Variants in THEMIS observed in about 807,000 individuals in gnomAD.
THEMIS encodes protein THEMIS.
Under a neutral mutation model 52.6 loss-of-function variants are expected in THEMIS, and 37 were observed. That is an observed-to-expected ratio of 0.70 (90% confidence interval 0.54 to 0.93). The LOEUF (loss-of-function observed/expected upper bound fraction) is 0.93, where lower values mean the gene tolerates loss of function less well. Ranked by LOEUF, THEMIS falls within the 40% of genes least tolerant of loss-of-function variation. The pLI is 0.00. For synonymous variants in THEMIS, 292 were observed against 272.7 expected, an observed-to-expected ratio of 1.07 and a Z score of -0.70; for missense variants, 808 against 763.1, an observed-to-expected ratio of 1.06 and a Z score of -0.69.
At chr6:127,785,219 CT>C (rs1160636767) in intron 4 of THEMIS, among the ~76,000 whole-genome samples, 9 of 35,930 alleles carry the variant, frequency 2.5e-4, no homozygotes, top group South Asian at 4.6e-4. Context: ...TATTATCTAT[CT>C]TATCTATCTA....
intron 1 of THEMIS, among the ~76,000 whole-genome samples, chr6:127,880,839 G>A (rs193087482): frequency 6.6e-6 from 1 of 152,114 alleles, no homozygotes; most frequent in Admixed American, 6.5e-5. Flanking sequence ...CAACAAAAAA[G>A]TATTTTTAAG....
At chr6:127,789,193 A>C (rs1188051643) in intron 4 of THEMIS, among the ~76,000 whole-genome samples, 1 of 152,194 alleles carries the variant, frequency 6.6e-6, no homozygotes, top group Non-Finnish European at 1.5e-5. Flanking sequence ...TAAAGGGGAT[A>C]TCTCCACTCA....
chr6:127,709,829 C>G lies in THEMIS; in HGVS notation c.*156G>C. On this transcript the variant is annotated 3_prime_UTR_variant, in exon 6 of 6. Transcript: ENST00000368248. ...TATCATAGGTTTCTGTAAGTTTTAT[C>G]TGTTAAAAGTTTTAAGGTTGTTCTT... is the stretch of plus-strand genomic sequence containing the variant. The G allele has an allele frequency of 4.8e-6, 3 of 626,214 alleles. No individual in the cohort carries two copies. Among genetic ancestry groups the G allele is most frequent in the Non-Finnish European group, 8.2e-6 (3 of 365,542 alleles). The allele number at this position is 626,214 out of a possible 1,614,324, so 38.8% of individuals were successfully genotyped here. A position where few individuals can be genotyped will look rare whatever the true frequency, so the allele number is the denominator to read the frequency against.
chr6:127,803,669 G>C (rs376336613), intron 4 of THEMIS, among the ~76,000 whole-genome samples: 41 of 152,252 alleles, frequency 2.7e-4, no homozygotes, highest in African/African-American at 9.4e-4. Flanking sequence ...TTTTGCTGAT[G>C]CCAAAGTTCA....
the THEMIS span, among the ~76,000 whole-genome samples, chr6:127,698,251 T>G: frequency 1.3e-5 from 2 of 152,128 alleles, no homozygotes; most frequent in African/African-American, 4.8e-5. Flanking sequence ...TTTTTAACAA[T>G]GTTTAGGTTT....
intron 1 of THEMIS, among the ~76,000 whole-genome samples, chr6:127,914,490 G>A (rs958178935): frequency 6.6e-6 from 1 of 152,122 alleles, no homozygotes; most frequent in Admixed American, 6.5e-5. Flanking sequence ...AAACCTAGGT[G>A]TGTACTTTTA....
chr6:127,832,279 T>C (rs1778720788), intron 2 of THEMIS, among the ~76,000 whole-genome samples: 1 of 152,196 alleles, frequency 6.6e-6, no homozygotes, highest in Non-Finnish European at 1.5e-5. Context: ...TGGATGTCTC[T>C]ATTGCAAGAA....
At chr6:127,803,142 C>T (rs186225692) in intron 4 of THEMIS, among the ~76,000 whole-genome samples, 2 of 152,276 alleles carry the variant, frequency 1.3e-5, no homozygotes, top group African/African-American at 4.8e-5. Context: ...TTTTAGCTTC[C>T]TAACTGGTCT....
chr6:127,858,134 T>A (rs968405780), intron 1 of THEMIS, among the ~76,000 whole-genome samples: 2 of 152,068 alleles, frequency 1.3e-5, no homozygotes, highest in Non-Finnish European at 2.9e-5. Flanking sequence ...AATAAAAAGA[T>A]AAATTTATGT....
rs755351126 is a variant in THEMIS at position 127,813,143 on chromosome 6, C to T, written c.1498G>A (p.Glu500Lys). The change falls in exon 4 of 6, where the codon GAG (glutamate) becomes AAG (lysine). Residue 500 changes from glutamate to lysine, a missense_variant. Physicochemically the swap from Glu to Lys is moderately conservative, Grantham distance 56. Coordinates refer to ENST00000368248, the MANE Select transcript of THEMIS (RefSeq NM_001010923.3). ...CGGCCCACAGGAATTTCCCAGCACT[C>T]CGTGGGGTTGGCAAAGTCACTTATG... ...LLISDFANPT[E>K]CWEIPVGRLN... The T allele has an allele frequency of 3.1e-6, 5 of 1,613,976 alleles. No homozygotes were observed. The East Asian group carries it at 1.1e-4, about 36-fold the overall frequency.
intron 4 of THEMIS, among the ~76,000 whole-genome samples, chr6:127,785,039 T>TCTAC (rs201464427): frequency 2.6e-5 from 4 of 151,832 alleles, no homozygotes; most frequent in Admixed American, 6.6e-5. Context: ...TCAATATCTT[T>TCTAC]CTACCTACCT....
chr6:127,864,202 G>A (rs1452532688), intron 1 of THEMIS, among the ~76,000 whole-genome samples: 1 of 151,754 alleles, frequency 6.6e-6, no homozygotes. Flanking sequence ...TAGACCAAGG[G>A]GGGCACAGTG....
At chr6:127,798,216 C>A (rs75718986) in intron 4 of THEMIS, among the ~76,000 whole-genome samples, 1 of 152,052 alleles carries the variant, frequency 6.6e-6, no homozygotes, top group Non-Finnish European at 1.5e-5. Flanking sequence ...TCTAAAATAG[C>A]GTGCCTTACT....
chr6:127,843,175 A>G (rs1779106448), intron 2 of THEMIS, among the ~76,000 whole-genome samples: 2 of 151,972 alleles, frequency 1.3e-5, no homozygotes, highest in African/African-American at 4.8e-5. Context: ...TTGTTCTAGG[A>G]GTGATATTAG....
chr6:127,799,587 T>TTTCTTTCTTTCTTTC (rs1562264826), intron 4 of THEMIS, among the ~76,000 whole-genome samples: 1 of 124,550 alleles, frequency 8.0e-6, no homozygotes, highest in African/African-American at 3.0e-5. Context: ...TTCTTTCTTT[T>TTTCTTTCTTTCTTTC]TTTCTTTCTT....
intron 4 of THEMIS, among the ~76,000 whole-genome samples, chr6:127,776,608 T>A (rs888800935): frequency 1.3e-5 from 2 of 152,178 alleles, no homozygotes; most frequent in Non-Finnish European, 2.9e-5. Context: ...AAAAGACCCA[T>A]AGCTAGAACC....
chr6:127,862,410 A>G (rs939954740), intron 1 of THEMIS, among the ~76,000 whole-genome samples: 1 of 124,886 alleles, frequency 8.0e-6, no homozygotes, highest in African/African-American at 2.8e-5. Context: ...TAAGCAGGTG[A>G]AATCTCCTAG....
At chr6:127,814,904 C>T (rs183639188) in intron 3 of THEMIS, among the ~76,000 whole-genome samples, 8 of 152,224 alleles carry the variant, frequency 5.3e-5, no homozygotes, top group Middle Eastern at 3.4e-3. Flanking sequence ...TGCCTGTAAT[C>T]CCAGCATTTT....
intron 4 of THEMIS, among the ~76,000 whole-genome samples, chr6:127,791,421 C>T (rs186983305): frequency 5.3e-5 from 8 of 152,260 alleles, no homozygotes. Context: ...GCAGGCCATC[C>T]CATCATCTGC....
Sources: allele counts gnomAD v4.1 joint callset (sites outside exome capture counted in the v4.1 genomes callset), GRCh38; gene constraint gnomAD v4.1.1; transcripts MANE v1.5; gene names NCBI Gene and HGNC (gene_info 2026-07-23, HGNC 2026-07-21).